Variants in RANBP2 observed in about 807,000 individuals in gnomAD.
RANBP2 encodes the protein E3 SUMO-protein ligase RanBP2.
RANBP2 carries 57 observed loss-of-function variants against 303.6 expected under a neutral mutation model. That is an observed-to-expected ratio of 0.19 (90% confidence interval 0.15 to 0.23). The LOEUF is 0.23. RANBP2 is among the 10% of genes least tolerant of loss of function. The pLI is 1.00. For synonymous variants in RANBP2, 1,167 were observed against 1,301.5 expected (o/e 0.90, Z 2.23); for missense variants, 3,138 against 3,780.8 (o/e 0.83, Z 4.46).
At chr2:109,172,393 C>G in the RANBP2 span, among the ~76,000 whole-genome samples, 1 of 152,252 alleles carries the variant, frequency 6.6e-6, no homozygotes. Flanking sequence ...TCTCCCTGCT[C>G]CTGGAGGTCT....
chr2:109,688,414 C>A, the RANBP2 span, among the ~76,000 whole-genome samples: 8 of 152,162 alleles, frequency 5.3e-5, no homozygotes, highest in African/African-American at 1.9e-4. Context: ...CCCCTGCAGT[C>A]CCCTGACATG....
At chr2:108,968,315 A>C in the RANBP2 span, among the ~76,000 whole-genome samples, 83 of 152,358 alleles carry the variant, frequency 5.4e-4, no homozygotes, top group African/African-American at 1.8e-3. Context: ...GGAATGGTTT[A>C]GCTCATAGGT....
chr2:109,554,133 CAAG>C, the RANBP2 span, among the ~76,000 whole-genome samples: 2 of 151,884 alleles, frequency 1.3e-5, no homozygotes, highest in African/African-American at 2.4e-5. Flanking sequence ...TTAACAAAAA[CAAG>C]AAGGACAATT....
At chr2:109,525,604 C>T in the RANBP2 span, among the ~76,000 whole-genome samples, 1 of 152,224 alleles carries the variant, frequency 6.6e-6, no homozygotes, top group Non-Finnish European at 1.5e-5. Context: ...CAGCACCCGG[C>T]ATTCAGGGCA....
chr2:109,459,180 T>G, the RANBP2 span, among the ~76,000 whole-genome samples: 1 of 152,096 alleles, frequency 6.6e-6, no homozygotes, highest in African/African-American at 2.4e-5. Flanking sequence ...TCAGTGCAAC[T>G]TATATTACAT....
the RANBP2 span, among the ~76,000 whole-genome samples, chr2:109,031,671 C>G: frequency 6.6e-6 from 1 of 152,150 alleles, no homozygotes; most frequent in Admixed American, 6.6e-5. Flanking sequence ...CGGAGAGCGC[C>G]GCTTCAGCGT....
the RANBP2 span, among the ~76,000 whole-genome samples, chr2:109,528,928 G>A: frequency 2.0e-5 from 3 of 152,208 alleles, no homozygotes; most frequent in African/African-American, 7.2e-5. Context: ...AGGAGGGGCT[G>A]AGCTGATGAC....
chr2:109,469,333 C>T, the RANBP2 span, among the ~76,000 whole-genome samples: 8 of 152,234 alleles, frequency 5.3e-5, no homozygotes, highest in Non-Finnish European at 2.9e-5. Context: ...GTGTGGCATG[C>T]GGCTGGGCCC....
the RANBP2 span, among the ~76,000 whole-genome samples, chr2:109,329,778 A>G: frequency 6.6e-6 from 1 of 152,246 alleles, no homozygotes; most frequent in Non-Finnish European, 1.5e-5. Context: ...CTTTTCTTAC[A>G]TAGGCCCAGC....
chr2:109,610,234 G>T, the RANBP2 span, among the ~76,000 whole-genome samples: 1 of 151,972 alleles, frequency 6.6e-6, no homozygotes, highest in African/African-American at 2.4e-5. Flanking sequence ...GACTACAGGC[G>T]CATGCCACCA....
chr2:109,482,776 T>C, the RANBP2 span, among the ~76,000 whole-genome samples: 1 of 152,206 alleles, frequency 6.6e-6, no homozygotes, highest in African/African-American at 2.4e-5. Flanking sequence ...GCTTCACCAC[T>C]GATAACAGCA....
At chr2:108,949,728 G>A in the RANBP2 span, among the ~76,000 whole-genome samples, 1 of 152,168 alleles carries the variant, frequency 6.6e-6, no homozygotes, top group Non-Finnish European at 1.5e-5. Flanking sequence ...TGTGCCATAT[G>A]GAACATGCAT....
chr2:109,638,795 A>C, the RANBP2 span, among the ~76,000 whole-genome samples: 1 of 152,162 alleles, frequency 6.6e-6, no homozygotes, highest in South Asian at 2.1e-4. Flanking sequence ...GACTGAAAAA[A>C]AGAAACAACC....
intron 28 of RANBP2, among the ~76,000 whole-genome samples, chr2:108,783,145 C>T (rs1423173875): frequency 6.6e-6 from 1 of 151,460 alleles, no homozygotes; most frequent in Non-Finnish European, 1.5e-5. Flanking sequence ...TTGAGACCAG[C>T]CTGGGTAACA....
the RANBP2 span, among the ~76,000 whole-genome samples, chr2:109,164,278 G>A: frequency 1.3e-5 from 2 of 152,092 alleles, no homozygotes; most frequent in African/African-American, 4.8e-5. Flanking sequence ...GGCCTCCTGG[G>A]CTCAAGTGAT....
At chr2:108,834,092 G>A in the RANBP2 span, among the ~76,000 whole-genome samples, 2 of 151,454 alleles carry the variant, frequency 1.3e-5, no homozygotes, top group African/African-American at 4.9e-5. Flanking sequence ...AAGGAAACTA[G>A]AATTTGAGGG....
the RANBP2 span, among the ~76,000 whole-genome samples, chr2:108,914,317 A>T: frequency 1.3e-5 from 2 of 152,132 alleles, no homozygotes; most frequent in Non-Finnish European, 2.9e-5. Flanking sequence ...ATAAGAACAC[A>T]AGAAAGGAGG....
the RANBP2 span, among the ~76,000 whole-genome samples, chr2:109,190,355 G>A: frequency 6.6e-6 from 1 of 152,228 alleles, no homozygotes; most frequent in Non-Finnish European, 1.5e-5. Flanking sequence ...TGTACTTGTA[G>A]TAGAGATGGG....
the RANBP2 span, among the ~76,000 whole-genome samples, chr2:109,103,486 T>G: frequency 5.3e-4 from 81 of 151,942 alleles, no homozygotes; most frequent in African/African-American, 1.9e-3. Context: ...GGAAGGCGGG[T>G]GGGGTGGGGG....
Sources: gnomAD v4.1 joint callset for allele counts (sites outside exome capture counted in the v4.1 genomes callset) on GRCh38, gnomAD v4.1.1 for gene constraint, MANE v1.5 for transcripts, NCBI Gene and HGNC (gene_info 2026-07-23, HGNC 2026-07-21) for gene names.